Variants in RAVER1 observed in about 807,000 individuals in gnomAD.
The protein encoded by RAVER1 is ribonucleoprotein, PTB binding 1.
RAVER1 carries 36 observed loss-of-function variants against 68.4 expected under a neutral mutation model. The observed-to-expected ratio is 0.53, with a 90% CI of 0.40 to 0.70. The LOEUF (loss-of-function observed/expected upper bound fraction) is 0.70, where lower values mean the gene tolerates loss of function less well. RAVER1 is among the 30% of genes least tolerant of loss of function. RAVER1 has a pLI of 0.00. For synonymous variants in RAVER1, 469 were observed against 472.7 expected (o/e 0.99, Z 0.10); for missense variants, 933 against 1,019.8 (o/e 0.91, Z 1.16).
Position 10,317,545 on chromosome 19 carries a change from G to C in RAVER1, c.2129C>G (p.Pro710Arg). 1 of 1,613,454 alleles carries C rather than the reference G, an allele frequency of 6.2e-7. No homozygotes were observed. Among genetic ancestry groups the C allele is most frequent in the Non-Finnish European group, 8.5e-7 (1 of 1,179,626 alleles). The change falls in exon 13 of 13, where the codon CCC becomes CGC. Residue 710 changes from proline to arginine, a missense_variant. Pro to Arg is a moderately radical substitution (Grantham distance 103). Transcript: ENST00000617231. This position sits in a 1 kb window ranked among gnomAD's most constrained non-coding sequence, Gnocchi z 4.3. ...GCCCACATAGCTGCCTTCTGGGCTG[G>C]GCTCGGGCGAGGGCAGCAGGTGGGC... ...SFAHLLPSPEPSPEGSYVGQH... is the reference protein window; with the variant it reads ...SFAHLLPSPERSPEGSYVGQH...
At chr19:10,325,748 G>A (rs943315508) in intron 3 of RAVER1, among the ~76,000 whole-genome samples, 3 of 152,074 alleles carry the variant, frequency 2.0e-5, no homozygotes, top group African/African-American at 7.2e-5. Flanking sequence ...AGGAGGTCGA[G>A]GCCGGAGTGT....
At chr19:10,330,067 G>A (rs1599305341) in intron 2 of RAVER1, among the ~76,000 whole-genome samples, 1 of 150,872 alleles carries the variant, frequency 6.6e-6, no homozygotes, top group Non-Finnish European at 1.5e-5. Flanking sequence ...AGGTTGCAGC[G>A]AGCCGAGCTC....
At chr19:10,326,292 A>G (rs867936526) in intron 3 of RAVER1, among the ~76,000 whole-genome samples, 1 of 152,226 alleles carries the variant, frequency 6.6e-6, no homozygotes, top group Non-Finnish European at 1.5e-5. Flanking sequence ...AGGTGAGGCC[A>G]TTGTGCTAAC....
Position 10,326,145 on chromosome 19 carries a change from C to T in RAVER1, c.756+2497G>A, listed in dbSNP as rs559044458. On this transcript the variant is annotated intron_variant, in intron 3 of 12. Transcript: ENST00000617231. Reference sequence around the variant, plus strand: ...GTGTCAGGCGCTGTCATCCCAGCTACTCGGGAGGCTGAAGCTGGAGAATCA... The same window carrying T: ...GTGTCAGGCGCTGTCATCCCAGCTATTCGGGAGGCTGAAGCTGGAGAATCA... Among the ~76,000 whole-genome samples the T allele has an allele frequency of 3.3e-5, 5 of 152,288 alleles. No homozygotes were observed. The South Asian group carries it at 6.2e-4, about 19-fold the overall frequency.
intron 3 of RAVER1, among the ~76,000 whole-genome samples, chr19:10,327,834 G>C (rs926593699): frequency 6.6e-6 from 1 of 152,202 alleles, no homozygotes; most frequent in African/African-American, 2.4e-5. Context: ...AAGACCTTCT[G>C]GGGGCTCTTA....
Position 10,316,215 on chromosome 19 carries a change from C to T in RAVER1, c.*1239G>A. On this transcript the variant is annotated 3_prime_UTR_variant, in exon 13 of 13. Coordinates refer to ENST00000617231, the MANE Select transcript of RAVER1 (RefSeq NM_133452.3). Reference sequence around the variant, plus strand: ...CCCAAGAACCAGCCAACTCTGATTTCTTTAAAACCATTTACTTACAAACTT... The same window carrying T: ...CCCAAGAACCAGCCAACTCTGATTTTTTTAAAACCATTTACTTACAAACTT... 7.2e-7 allele frequency: 1 copy of T among 1,383,670 alleles called. No individual in the cohort carries two copies. The highest frequency in any genetic ancestry group is 9.3e-7 in the Non-Finnish European group (1 of 1,078,322). 85.7% of individuals were successfully genotyped at this position (1,383,670 alleles called of 1,614,324 possible).
At chr19:10,320,294 A>T (rs2040426200) in intron 9 of RAVER1, among the ~76,000 whole-genome samples, 1 of 151,874 alleles carries the variant, frequency 6.6e-6, no homozygotes, top group African/African-American at 2.4e-5. Context: ...ACTTGAGGTC[A>T]GGAGTTTGAG....
chr19:10,333,415 C>T lies in RAVER1; in HGVS notation c.93G>A (p.Ala31=), dbSNP rs1402288021. The T allele has an allele frequency of 1.9e-6, 3 of 1,613,524 alleles. No individual in the cohort carries two copies. Among genetic ancestry groups the T allele is most frequent in the Non-Finnish European group, 2.5e-6 (3 of 1,179,804 alleles). ...CTAGAGGCGGCAGCTCTTCTTCCGG[C>T]GCCCGGCGCTCCGCGGCATCGCCGG... The part of the protein sequence containing the change: ...VEAGDAAERR[A]PEEELPPLDP... Residue 31 remains alanine (A), a synonymous_variant, in exon 1 of 13, where the codon GCG becomes GCA. Coordinates refer to ENST00000617231, the MANE Select transcript of RAVER1 (RefSeq NM_133452.3). The surrounding 1 kb of genome is among the most constrained non-coding windows in gnomAD (Gnocchi z 4.2).
chr19:10,322,475 G>T lies in RAVER1; in HGVS notation c.1173+170C>A. On this transcript the variant is annotated intron_variant, in intron 6 of 12. Coordinates refer to ENST00000617231, the MANE Select transcript of RAVER1 (RefSeq NM_133452.3). The surrounding 1 kb of genome is among the most constrained non-coding windows in gnomAD (Gnocchi z 4.3). ...ACCATCATGAGCAATTGCCAGAGGG[G>T]GATGGGGATGTGGGTGGGAAAGGCA... The T allele has an allele frequency of 1.8e-6, 1 of 542,216 alleles. No homozygotes were observed. Among genetic ancestry groups the T allele is most frequent in the Non-Finnish European group, 3.2e-6 (1 of 311,426 alleles). 33.6% of individuals were successfully genotyped at this position (542,216 alleles called of 1,614,324 possible).
At position 10,323,502 on chromosome 19, in the gene RAVER1, A is replaced by T; in HGVS notation, c.821T>A (p.Met274Lys). The T allele has an allele frequency of 6.2e-7, 1 of 1,609,350 alleles. No individual in the cohort carries two copies. Residue 274 changes from methionine to lysine, a missense_variant, in exon 4 of 13, where the codon ATG (methionine) becomes AAG (lysine). Met to Lys is a moderately conservative substitution (Grantham distance 95). This residue lies in a region of RAVER1 where 699 missense variants were observed against 731.1 expected (regional missense o/e 0.96). Transcript: ENST00000617231. The surrounding 1 kb of genome is among the most constrained non-coding windows in gnomAD (Gnocchi z 6.2). The part of the protein sequence containing the change: ...FAVLEYETAE[M>K]AEEAQQQADG... The stretch of plus-strand genomic sequence containing the variant: ...CGCCTGCTGCTGTGCCTCCTCCGCC[A>T]TCTCAGCCGTCTCATACTCCAGCAC...
rs115037728 is a variant in RAVER1 at position 10,333,285 on chromosome 19, A to G, written c.219+4T>C. ...CCACGCTCCTACACCGCCCCCCCCA[A>G]TACCTGGTTGGTCACGTCCCCCGGG... On this transcript the variant is annotated splice_donor_region_variant and intron_variant, in intron 1 of 12. Transcript: ENST00000617231. The surrounding 1 kb of genome is among the most constrained non-coding windows in gnomAD (Gnocchi z 4.2). The G allele has an allele frequency of 1.4e-3, 2,283 of 1,611,498 alleles. 37 individuals are homozygous for G. The African/African-American group carries it at 0.027, about 19-fold the overall frequency.
intron 3 of RAVER1, among the ~76,000 whole-genome samples, chr19:10,325,026 ATTT>A (rs34470520): frequency 6.9e-6 from 1 of 145,444 alleles, no homozygotes; most frequent in Non-Finnish European, 1.5e-5. Context: ...TCTTCACATA[ATTT>A]TTTTTTTTTT....
In RAVER1 at chr19:10,316,440, G is replaced by A; in HGVS notation, c.*1014C>T. On this transcript the variant is annotated 3_prime_UTR_variant, in exon 13 of 13. Coordinates refer to ENST00000617231, the MANE Select transcript of RAVER1 (RefSeq NM_133452.3). ...TATCTTCATGGAGTGCTGGTTTCTG[G>A]CACTGGGCTGGAAGGAGGCCAGCTC... 4 of 1,005,402 alleles carry A rather than the reference G, an allele frequency of 4.0e-6. No individual in the cohort carries two copies. Among genetic ancestry groups the A allele is most frequent in the Non-Finnish European group, 4.7e-6 (4 of 842,840 alleles). The allele number at this position is 1,005,402 out of a possible 1,614,324, so 62.3% of individuals were successfully genotyped here.
Position 10,325,586 on chromosome 19 carries a change from C to A in RAVER1, c.757-2020G>T, listed in dbSNP as rs536437182. ...CGAACTCCTGACCTCAAGTGATCTG[C>A]CCGCCGCAGCCTCCCAAAGTGCTGG... On this transcript the variant is annotated intron_variant, in intron 3 of 12. Coordinates refer to ENST00000617231, the MANE Select transcript of RAVER1 (RefSeq NM_133452.3). Among the ~76,000 whole-genome samples the A allele has an allele frequency of 2.0e-5, 3 of 152,142 alleles. No individual in the cohort carries two copies. The East Asian group carries it at 5.8e-4, about 29-fold the overall frequency.
rs1178133543 is a variant in RAVER1 at position 10,333,205 on chromosome 19, C to G, written c.219+84G>C. On this transcript the variant is annotated intron_variant, in intron 1 of 12. Coordinates refer to ENST00000617231, the MANE Select transcript of RAVER1 (RefSeq NM_133452.3). This position sits in a 1 kb window ranked among gnomAD's most constrained non-coding sequence, Gnocchi z 4.2. ...GCCCCCGCCAACGACCCCCGCGCAC[C>G]TCAGCGTTGGTGTCGCCCGGTTCCC... is the stretch of plus-strand genomic sequence containing the variant. 3.6e-6 allele frequency: 5 copies of G among 1,378,080 alleles called. No homozygotes were observed. Among genetic ancestry groups the G allele is most frequent in the Non-Finnish European group, 4.9e-6 (5 of 1,014,560 alleles). The allele number at this position is 1,378,080 out of a possible 1,614,324, so 85.4% of individuals were successfully genotyped here.
chr19:10,319,070 A>C, intron 10 of RAVER1, 96 bp downstream of exon 10: 1 of 1,176,890 alleles, frequency 8.5e-7, no homozygotes, highest in East Asian at 2.6e-5. Flanking sequence ...GAACACACAA[A>C]ATACAAGGTC....
rs2040477360 is a variant in RAVER1 at position 10,326,753 on chromosome 19, C to T, written c.756+1889G>A. ...ACAAGCGTGAGCCACTGCGCCTGGC[C>T]TGTTTTTTTTTTTTTTTTTTTTTCT... On this transcript the variant is annotated intron_variant, in intron 3 of 12. Coordinates refer to ENST00000617231, the MANE Select transcript of RAVER1 (RefSeq NM_133452.3). Among the ~76,000 whole-genome samples the T allele has an allele frequency of 2.3e-5, 3 of 130,662 alleles. No individual in the cohort carries two copies. In the South Asian group the frequency reaches 7.3e-4, roughly 32 times the overall value. 85.7% of individuals were successfully genotyped at this position (130,662 alleles called of 152,430 possible).
At chr19:10,330,296 G>GCTGT (rs2145083644) in intron 2 of RAVER1, among the ~76,000 whole-genome samples, 164 bp downstream of exon 2, 1 of 152,292 alleles carries the variant, frequency 6.6e-6, no homozygotes, top group Admixed American at 6.5e-5. Flanking sequence ...GAACATGAAG[G>GCTGT]CTGTCCCAAG....
intron 9 of RAVER1, 104 bp from the exon 10 acceptor site, chr19:10,319,344 C>G: frequency 1.7e-6 from 2 of 1,197,488 alleles, no homozygotes; most frequent in Non-Finnish European, 2.4e-6. Flanking sequence ...GTCCCCACCA[C>G]TCTGGGACCA....
Sources: gnomAD v4.1 joint callset for allele counts (sites outside exome capture counted in the v4.1 genomes callset) on GRCh38, gnomAD v4.1.1 for gene constraint, gnomAD v4.1.1 regional missense constraint, Gnocchi (gnomAD v3.1) non-coding constraint, MANE v1.5 for transcripts, NCBI Gene and HGNC (gene_info 2026-07-23, HGNC 2026-07-21) for gene names.